CRHR2: variants seen among roughly 807,000 people sequenced by gnomAD.
CRHR2 encodes corticotropin releasing hormone receptor 2.
CRHR2 carries 53 observed loss-of-function variants against 57.9 expected under a neutral mutation model. The observed-to-expected ratio is 0.92, with a 90% CI of 0.73 to 1.15. The LOEUF (loss-of-function observed/expected upper bound fraction) is 1.15. Ranked by LOEUF, CRHR2 falls within the 50% of genes most tolerant of loss-of-function variation. CRHR2 has a pLI of 0.00. For missense variants in CRHR2, 532 were observed against 542.6 expected (o/e 0.98, Z 0.19); for synonymous variants, 213 against 220.9 (o/e 0.96, Z 0.32).
chr7:30,661,994 A>T (rs980218674), intron 7 of CRHR2, among the ~76,000 whole-genome samples, 162 bp downstream of exon 7: 17 of 152,172 alleles, frequency 1.1e-4, no homozygotes, highest in African/African-American at 4.1e-4. Flanking sequence ...AGTACCTCTG[A>T]GTGCAGGACT....
At chr7:30,686,440 C>T (rs777060118), upstream of CRHR2, 4 of 1,533,242 alleles carry the variant, frequency 2.6e-6, no homozygotes, top group South Asian at 3.6e-5. Context: ...GGCCAAGGCT[C>T]TCTTCCCATT....
At chr7:30,681,552 A>G (rs1784705775) in intron 2 of CRHR2, among the ~76,000 whole-genome samples, 1 of 152,192 alleles carries the variant, frequency 6.6e-6, no homozygotes, top group Non-Finnish European at 1.5e-5. Context: ...CCTCCTGGGC[A>G]GGGGAAGCAT....
In CRHR2 at chr7:30,653,229, A is replaced by AG. The variant is rs1019565336; in HGVS notation, c.*230dup. Reference sequence around the variant, plus strand: ...TGCAGACATCTGACTGGCTCTTCTCAGGGGGTCCTGTGAATTCCCTCTGCT... The same window carrying AG: ...TGCAGACATCTGACTGGCTCTTCTCAGGGGGGTCCTGTGAATTCCCTCTGCT... On this transcript the variant is annotated 3_prime_UTR_variant, in exon 12 of 12. Transcript: ENST00000471646. This position sits in a 1 kb window ranked among gnomAD's most constrained non-coding sequence, Gnocchi z 5.0. 2 of 548,852 alleles carry AG rather than the reference A, an allele frequency of 3.6e-6. No individual in the cohort carries two copies. The highest frequency in any genetic ancestry group is 6.3e-6 in the Non-Finnish European group (2 of 316,832). The allele number at this position is 548,852 out of a possible 1,614,324, so 34.0% of individuals were successfully genotyped here.
intron 2 of CRHR2, chr7:30,688,791 G>A (rs1275203487): frequency 4.4e-6 from 2 of 458,294 alleles, no homozygotes; most frequent in Non-Finnish European, 8.8e-6. Context: ...TCAGGGCCGG[G>A]CTGCTGCTTT....
chr7:30,659,802 C>T (rs894683964), intron 8 of CRHR2, among the ~76,000 whole-genome samples: 2 of 152,254 alleles, frequency 1.3e-5, no homozygotes, highest in Non-Finnish European at 2.9e-5. Flanking sequence ...ATGGCACTCT[C>T]GCTGAGTCTC....
intron 11 of CRHR2, 94 bp downstream of exon 11, chr7:30,654,945 C>T (rs1405351364): frequency 2.6e-6 from 4 of 1,564,530 alleles, no homozygotes; most frequent in East Asian, 4.8e-5. Flanking sequence ...CTCCCTGGCA[C>T]TCCAGCAAGG....
intron 2 of CRHR2, among the ~76,000 whole-genome samples, chr7:30,671,892 G>GAA (rs1337427450): frequency 7.4e-6 from 1 of 135,206 alleles, no homozygotes; most frequent in African/African-American, 3.6e-5. Context: ...AGGAGGAGGA[G>GAA]GAGAAGAAGA....
intron 2 of CRHR2, among the ~76,000 whole-genome samples, chr7:30,681,067 G>C (rs1026546320): frequency 3.3e-5 from 5 of 152,010 alleles, no homozygotes; most frequent in Admixed American, 3.3e-4. Flanking sequence ...CCCATCCCAT[G>C]TTCCACAGGG....
intron 1 of CRHR2, among the ~76,000 whole-genome samples, chr7:30,694,479 C>T (rs1785018612): frequency 6.6e-6 from 1 of 152,190 alleles, no homozygotes; most frequent in African/African-American, 2.4e-5. Flanking sequence ...GGGGTCTGGC[C>T]CAGTCTAGTG....
At chr7:30,668,945 A>G (rs1003909712) in intron 2 of CRHR2, among the ~76,000 whole-genome samples, 4 of 152,200 alleles carry the variant, frequency 2.6e-5, no homozygotes, top group African/African-American at 9.6e-5. Context: ...ACCTAGCACT[A>G]TCTTTCCTTA....
intron 6 of CRHR2, 130 bp from the exon 7 acceptor site, chr7:30,662,346 C>T: frequency 1.9e-6 from 2 of 1,039,434 alleles, no homozygotes; most frequent in Non-Finnish European, 2.9e-6. Context: ...ACCCACAACC[C>T]CAGGGGTGCC....
At chr7:30,698,278 G>GCC (rs1176687760) in intron 1 of CRHR2, 1 of 152,350 alleles carries the variant, frequency 6.6e-6, no homozygotes, top group African/African-American at 2.4e-5. Context: ...GGAGAGCTAG[G>GCC]CGCAGGGCCT....
At chr7:30,698,823 A>G (rs551856042) in intron 1 of CRHR2, among the ~76,000 whole-genome samples, 1 of 152,154 alleles carries the variant, frequency 6.6e-6, no homozygotes, top group African/African-American at 2.4e-5. Context: ...TATTACCTCA[A>G]TGTTCCTCAC....
chr7:30,655,680 A>G lies in CRHR2; in HGVS notation c.953T>C (p.Leu318Pro), dbSNP rs1304870218. The change falls in exon 10 of 12, where the codon CTC becomes CCC. Residue 318 changes from leucine (L) to proline (P), a missense_variant. Coordinates refer to ENST00000471646, the MANE Select transcript of CRHR2 (RefSeq NM_001883.5). ...AVKATLVLLPLLGITYMLFFV... is the reference protein window; with the variant it reads ...AVKATLVLLPPLGITYMLFFV... ...GAAGAGCATGTAGGTGATGCCCAGG[A>G]GGGGCAGGAGCACCAGGGTGGCCTT... is the stretch of plus-strand genomic sequence containing the variant. 1.2e-6 allele frequency: 2 copies of G among 1,614,080 alleles called. No individual in the cohort carries two copies. The highest frequency in any genetic ancestry group is 1.7e-6 in the Non-Finnish European group (2 of 1,179,948).
intron 7 of CRHR2, 43 bp from the exon 8 acceptor site, chr7:30,660,688 C>G: frequency 2.6e-6 from 4 of 1,542,688 alleles, no homozygotes; most frequent in Non-Finnish European, 3.5e-6. Flanking sequence ...TGAGCTGGAA[C>G]TGGGGGACCC....
At position 30,653,670 on chromosome 7, in the gene CRHR2, C is replaced by G; in HGVS notation, c.1096-70G>C. The G allele has an allele frequency of 1.3e-6, 2 of 1,510,540 alleles. No homozygotes were observed. The highest frequency in any genetic ancestry group is 2.1e-5 in the Admixed American group (1 of 46,838). The allele number at this position is 1,510,540 out of a possible 1,614,324, so 93.6% of individuals were successfully genotyped here. ...TGGGCTTCTGGGACCATCCCCTCCT[C>G]TGCTTTCTGCTCTCATGGGTCGACT... On this transcript the variant is annotated intron_variant, in intron 11 of 11. Coordinates refer to ENST00000471646, the MANE Select transcript of CRHR2 (RefSeq NM_001883.5). The surrounding 1 kb of genome is among the most constrained non-coding windows in gnomAD (Gnocchi z 5.0).
chr7:30,689,074 C>T, intron 2 of CRHR2: 1 of 902,070 alleles, frequency 1.1e-6, no homozygotes. Context: ...GACTGGAAAC[C>T]AGCACCCCAC....
intron 2 of CRHR2, among the ~76,000 whole-genome samples, chr7:30,687,610 T>A (rs568791879): frequency 6.6e-6 from 1 of 152,266 alleles, no homozygotes; most frequent in Non-Finnish European, 1.5e-5. Context: ...TTTATAGAAA[T>A]CATGTGGATC....
intron 5 of CRHR2, among the ~76,000 whole-genome samples, chr7:30,663,510 C>G (rs1784087824): frequency 6.6e-6 from 1 of 152,204 alleles, no homozygotes; most frequent in South Asian, 2.1e-4. Context: ...ATGGCAAAGA[C>G]AGGCATGAGG....
Sources: gnomAD v4.1 joint callset for allele counts (sites outside exome capture counted in the v4.1 genomes callset) on GRCh38, gnomAD v4.1.1 for gene constraint, Gnocchi (gnomAD v3.1) non-coding constraint, MANE v1.5 for transcripts, NCBI Gene and HGNC (gene_info 2026-07-23, HGNC 2026-07-21) for gene names.